ADD1: variants seen among roughly 807,000 people sequenced by gnomAD.
The protein encoded by ADD1 is adducin 1.
A neutral mutation model predicts 80.5 loss-of-function variants in ADD1; 24 were observed. That is an observed-to-expected ratio of 0.30 (90% confidence interval 0.22 to 0.42). ADD1 has a LOEUF of 0.42. ADD1 is among the 10% of genes least tolerant of loss of function. ADD1 has a pLI of 1.00. For missense variants in ADD1, 948 were observed against 1,019.0 expected, an observed-to-expected ratio of 0.93 and a Z score of 0.95; for synonymous variants, 373 against 393.8, an observed-to-expected ratio of 0.95 and a Z score of 0.63.
intron 1 of ADD1, 139 bp from the exon 2 acceptor site, chr4:2,875,757 C>A: frequency 1.5e-6 from 1 of 651,052 alleles, no homozygotes; most frequent in Non-Finnish European, 2.5e-6. Context: ...AAAGAAGCCT[C>A]ACAGGTCATG....
chr4:2,928,351 C>G lies in ADD1; in HGVS notation c.2228C>G (p.Pro743Arg). Residue 743 changes from proline to arginine, a missense_variant, in exon 16 of 16, where the codon CCA (proline) becomes CGA (arginine). Transcript: ENST00000683351. ...TEAPTEASPE[P>R]APDPAPVAEE... ...GCCCCTACTGAGGCCAGCCCCGAGC[C>G]AGCCCCAGACCCAGCCCCGGTGGCT... The G allele has an allele frequency of 3.1e-6, 5 of 1,613,744 alleles. No homozygotes were observed. In the East Asian group the frequency reaches 8.9e-5, roughly 29 times the overall value.
chr4:2,914,058 C>CAAAAAAAAAAAAAAAA (rs775339952), intron 13 of ADD1, among the ~76,000 whole-genome samples: 2 of 120,564 alleles, frequency 1.7e-5, no homozygotes, highest in South Asian at 2.7e-4. Context: ...GACTCCGTCT[C>CAAAAAAAAAAAAAAAA]AAAAAAAAAA....
In ADD1 at chr4:2,926,238, G is replaced by A. The variant is rs751731790; in HGVS notation, c.2047+126G>A. ...TGTGTGCTTGCATCAGCGCCAGGAC[G>A]TGACACCTTTCTCCTCCTATATTGC... is the stretch of plus-strand genomic sequence containing the variant. On this transcript the variant is annotated intron_variant, in intron 15 of 15. Transcript: ENST00000683351. This position sits in a 1 kb window ranked among gnomAD's most constrained non-coding sequence, Gnocchi z 5.0. The A allele has an allele frequency of 1.1e-5, 9 of 845,652 alleles. No homozygotes were observed. The highest frequency in any genetic ancestry group is 2.0e-5 in the Admixed American group (1 of 50,346). The allele number at this position is 845,652 out of a possible 1,614,324, so 52.4% of individuals were successfully genotyped here. A position where few individuals can be genotyped will look rare whatever the true frequency, so the allele number is the denominator to read the frequency against.
Position 2,926,740 on chromosome 4 carries a change from T to C in ADD1, c.2047+628T>C. On this transcript the variant is annotated intron_variant, in intron 15 of 15. Coordinates refer to ENST00000683351, the MANE Select transcript of ADD1 (RefSeq NM_001354761.2). This position sits in a 1 kb window ranked among gnomAD's most constrained non-coding sequence, Gnocchi z 5.0. ...CGCTTTGCCTCATTCTCCTGCTTCT[T>C]TGTTGTTTATTAAGTTTTGTTTTCT... 5 of 1,516,684 alleles carry C rather than the reference T, an allele frequency of 3.3e-6. No homozygotes were observed. The South Asian group carries it at 5.9e-5, about 18-fold the overall frequency. The allele number at this position is 1,516,684 out of a possible 1,614,324, so 94.0% of individuals were successfully genotyped here.
Position 2,899,335 on chromosome 4 carries a change from G to A in ADD1, c.1061G>A (p.Arg354His), listed in dbSNP as rs552082446. 1.3e-5 allele frequency: 21 copies of A among 1,614,188 alleles called. No individual in the cohort carries two copies. Among genetic ancestry groups the A allele is most frequent in the Middle Eastern group, 1.6e-4 (1 of 6,062 alleles). ...LNPEKYKAKS[R>H]SPGSPVGEGT... The stretch of plus-strand genomic sequence containing the variant: ...CCTGAGAAGTACAAAGCCAAGTCCC[G>A]TTCCCCAGGGTCTCCGGTAGGGGAA... Residue 354 changes from arginine to histidine, a missense_variant, in exon 9 of 16, where the codon CGT becomes CAT. Transcript: ENST00000683351.
intron 13 of ADD1, among the ~76,000 whole-genome samples, chr4:2,912,661 G>A (rs1738274581): frequency 4.6e-5 from 7 of 152,096 alleles, no homozygotes; most frequent in Admixed American, 4.6e-4. Context: ...TCAGCAGCTG[G>A]GACTACAGGT....
chr4:2,899,499 T>G (rs1427775672), intron 9 of ADD1, 64 bp downstream of exon 9: 1 of 1,575,552 alleles, frequency 6.3e-7, no homozygotes, highest in Non-Finnish European at 8.7e-7. Context: ...GTTGGTGTTC[T>G]TACAGCAAGT....
rs551316224 is a variant in ADD1 at position 2,929,552 on chromosome 4, T to C, written c.*1029T>C. The C allele has an allele frequency of 6.6e-6, 1 of 152,386 alleles. No individual in the cohort carries two copies. The highest frequency in any genetic ancestry group is 1.9e-4 in the East Asian group (1 of 5,180). 9.4% of individuals were successfully genotyped at this position (152,386 alleles called of 1,614,324 possible). On this transcript the variant is annotated 3_prime_UTR_variant, in exon 16 of 16. Coordinates refer to ENST00000683351, the MANE Select transcript of ADD1 (RefSeq NM_001354761.2). Reference sequence around the variant, plus strand: ...TCCCTCCAAGAGGCTGGAAAAGGGCTCAGAGCTGCTGAGCAGGAACCGGAG... The same window carrying C: ...TCCCTCCAAGAGGCTGGAAAAGGGCCCAGAGCTGCTGAGCAGGAACCGGAG...
chr4:2,899,587 C>T (rs1490398727), intron 9 of ADD1, 152 bp downstream of exon 9: 1 of 815,596 alleles, frequency 1.2e-6, no homozygotes, highest in Non-Finnish European at 2.0e-6. Flanking sequence ...TGTTTAACTT[C>T]TGAGGTAAAT....
At chr4:2,863,436 A>C (rs1729098400) in intron 1 of ADD1, among the ~76,000 whole-genome samples, 1 of 152,108 alleles carries the variant, frequency 6.6e-6, no homozygotes, top group African/African-American at 2.4e-5. Flanking sequence ...GAAGCAAATT[A>C]TATATATGAG....
intron 1 of ADD1, among the ~76,000 whole-genome samples, chr4:2,850,338 G>C (rs965325456): frequency 1.3e-5 from 2 of 152,176 alleles, no homozygotes; most frequent in Non-Finnish European, 1.5e-5. Flanking sequence ...TGCGATCTTG[G>C]CTCACTGCAA....
rs779544497 is a variant in ADD1 at position 2,852,177 on chromosome 4, T to TC, written c.-21+8154dup. On this transcript the variant is annotated intron_variant, in intron 1 of 15. Coordinates refer to ENST00000683351, the MANE Select transcript of ADD1 (RefSeq NM_001354761.2). ...TTCTTTCTTTCTTTCTTTCTTTCTTTCTTTCTTTCTTTCTTTCTTTCCTTT... is the reference window on the plus strand; with the variant it reads ...TTCTTTCTTTCTTTCTTTCTTTCTTTCCTTTCTTTCTTTCTTTCTTTCCTTT... 1.3e-3 allele frequency among the ~76,000 whole-genome samples: 70 copies of TC among 55,558 alleles called. 1 individual carries two copies. Among genetic ancestry groups the TC allele is most frequent in the East Asian group, 0.011 (11 of 996 alleles). 36.4% of individuals were successfully genotyped at this position (55,558 alleles called of 152,430 possible).
intron 2 of ADD1, among the ~76,000 whole-genome samples, chr4:2,880,738 G>C (rs1327114885): frequency 6.6e-6 from 1 of 151,942 alleles, no homozygotes; most frequent in Non-Finnish European, 1.5e-5. Flanking sequence ...GCCTCCCAAA[G>C]TGCTGGGATT....
At chr4:2,878,425 A>G (rs1028547708) in intron 2 of ADD1, among the ~76,000 whole-genome samples, 10 of 152,122 alleles carry the variant, frequency 6.6e-5, no homozygotes, top group Admixed American at 3.9e-4. Flanking sequence ...GAAAGGGAAA[A>G]AAAGAATCAG....
chr4:2,880,345 G>A (rs1188987344), intron 2 of ADD1, among the ~76,000 whole-genome samples: 2 of 150,030 alleles, frequency 1.3e-5, no homozygotes, highest in Non-Finnish European at 2.9e-5. Context: ...CCTGCAATAT[G>A]TTTTCAGCTC....
At chr4:2,884,801 T>G in intron 4 of ADD1, 135 bp downstream of exon 4, 1 of 1,071,402 alleles carries the variant, frequency 9.3e-7, no homozygotes, top group South Asian at 2.0e-5. Flanking sequence ...GATTCCTGAC[T>G]ACAGAGTGTA....
At chr4:2,899,971 A>C in intron 9 of ADD1, 1 of 199,008 alleles carries the variant, frequency 5.0e-6, no homozygotes, top group South Asian at 8.6e-5. Flanking sequence ...AAGTGAGCCC[A>C]CACTGTGATA....
chr4:2,847,571 C>T (rs980028541), intron 1 of ADD1, among the ~76,000 whole-genome samples: 2 of 152,122 alleles, frequency 1.3e-5, no homozygotes, highest in African/African-American at 2.4e-5. Context: ...ACGTGAACCT[C>T]GAAAATTTGA....
intron 1 of ADD1, among the ~76,000 whole-genome samples, chr4:2,846,081 C>A (rs1040687156): frequency 3.3e-5 from 5 of 152,082 alleles, no homozygotes; most frequent in Admixed American, 3.3e-4. Context: ...ATGAGTACCA[C>A]TATCACAGAA....
Sources: gnomAD v4.1 joint callset for allele counts (sites outside exome capture counted in the v4.1 genomes callset) on GRCh38, gnomAD v4.1.1 for gene constraint, Gnocchi (gnomAD v3.1) non-coding constraint, MANE v1.5 for transcripts, NCBI Gene and HGNC (gene_info 2026-07-23, HGNC 2026-07-21) for gene names.